PCDH11Y: variants seen among roughly 807,000 people sequenced by gnomAD.
The protein encoded by PCDH11Y is protocadherin 11 Y-linked.
For missense variants in PCDH11Y, 12 were observed against 224.8 expected, an observed-to-expected ratio of 0.05 and a Z score of 6.05; for synonymous variants, 9 against 83.6, an observed-to-expected ratio of 0.11 and a Z score of 4.87.
chrY:5,278,254 G>A (rs2053047118), intron 2 of PCDH11Y, among the ~76,000 whole-genome samples: 5 of 28,837 alleles, frequency 1.7e-4, no homozygotes, highest in African/African-American at 6.9e-4. Flanking sequence ...AGGTTCAAGC[G>A]ATTCTCCTGC....
At chrY:5,557,479 G>C in intron 3 of PCDH11Y, among the ~76,000 whole-genome samples, 1 of 33,076 alleles carries the variant, frequency 3.0e-5, no homozygotes, top group South Asian at 6.5e-4. Flanking sequence ...GTTTTTTTGG[G>C]AAGGAGTGTA....
At chrY:5,004,856 C>G (rs2052537613) in intron 1 of PCDH11Y, among the ~76,000 whole-genome samples, 16 of 33,815 alleles carry the variant, frequency 4.7e-4, no homozygotes, top group Non-Finnish European at 8.1e-4. Context: ...GCATGGGCCT[C>G]TTTGAGCCAT....
chrY:5,310,773 TTATGG>T (rs2053098564), intron 2 of PCDH11Y, among the ~76,000 whole-genome samples: 3 of 32,193 alleles, frequency 9.3e-5, no homozygotes, highest in Admixed American at 2.9e-4. Flanking sequence ...TTCTTGTTTC[TTATGG>T]TATAACTGAT....
intron 2 of PCDH11Y, among the ~76,000 whole-genome samples, chrY:5,297,714 T>C (rs2124662748): frequency 3.0e-5 from 1 of 33,124 alleles, no homozygotes; most frequent in South Asian, 6.8e-4. Flanking sequence ...ATGCACATAT[T>C]CTTTCTCCAT....
At chrY:5,683,999 G>C (rs2124709847) in intron 4 of PCDH11Y, among the ~76,000 whole-genome samples, 6 of 32,948 alleles carry the variant, frequency 1.8e-4, no homozygotes, top group African/African-American at 7.1e-4. Flanking sequence ...GCACAGCAAA[G>C]GATACAATAA....
At chrY:5,253,594 C>A (rs1602894062) in intron 2 of PCDH11Y, among the ~76,000 whole-genome samples, 1 of 31,125 alleles carries the variant, frequency 3.2e-5, no homozygotes, top group East Asian at 8.9e-4. Context: ...CAGAAGGATA[C>A]CATTGAAAAT....
At chrY:5,576,648 T>C in intron 3 of PCDH11Y, among the ~76,000 whole-genome samples, 1 of 33,521 alleles carries the variant, frequency 3.0e-5, no homozygotes, top group Non-Finnish European at 7.5e-5. Flanking sequence ...ATTCTATTTC[T>C]CTTAAGGACT....
chrY:5,589,513 G>A (rs2053458673), intron 4 of PCDH11Y, among the ~76,000 whole-genome samples: 1 of 33,396 alleles, frequency 3.0e-5, no homozygotes, highest in African/African-American at 1.2e-4. Flanking sequence ...TCTTCAGTAT[G>A]TTAATTGCAT....
intron 2 of PCDH11Y, among the ~76,000 whole-genome samples, chrY:5,439,176 T>C: frequency 3.0e-5 from 1 of 33,593 alleles, no homozygotes; most frequent in Non-Finnish European, 7.4e-5. Context: ...CAGTCTGCCA[T>C]TGATAGGCAC....
downstream of PCDH11Y, among the ~76,000 whole-genome samples, chrY:5,108,491 T>G (rs1602868841): frequency 4.2e-4 from 14 of 32,953 alleles, no homozygotes; most frequent in East Asian, 0.011. Flanking sequence ...CTTATGCCTG[T>G]AATCCCAGTA....
intron 4 of PCDH11Y, among the ~76,000 whole-genome samples, chrY:5,667,108 CTA>C (rs58527993): frequency 7.0e-3 from 160 of 22,769 alleles, no homozygotes; most frequent in African/African-American, 0.032. Flanking sequence ...GCCATCATGG[CTA>C]TATATATATA....
At chrY:5,248,147 T>TA (rs2052999423) in intron 2 of PCDH11Y, among the ~76,000 whole-genome samples, 1 of 29,481 alleles carries the variant, frequency 3.4e-5, no homozygotes, top group Non-Finnish European at 8.0e-5. Flanking sequence ...CTACCAGAGT[T>TA]ACAAAGAGGA....
chrY:5,199,381 G>A (rs2052924619), intron 2 of PCDH11Y, among the ~76,000 whole-genome samples: 1 of 30,593 alleles, frequency 3.3e-5, no homozygotes, highest in Non-Finnish European at 7.8e-5. Flanking sequence ...TCCACCTCCC[G>A]GGTTCAATTG....
At chrY:5,040,238 A>G (rs376264730) in intron 3 of PCDH11Y, among the ~76,000 whole-genome samples, 1 of 32,146 alleles carries the variant, frequency 3.1e-5, no homozygotes. Context: ...CATTTCAACT[A>G]TTGTTTAGTA....
chrY:5,469,358 C>CT lies in PCDH11Y; in HGVS notation c.3130-31691dup, dbSNP rs2053311133. 1.5e-4 allele frequency among the ~76,000 whole-genome samples: 5 copies of CT among 32,370 alleles called. No individual in the cohort carries two copies. In the East Asian group the frequency reaches 3.2e-3, roughly 21 times the overall value. The allele number at this position is 32,370 out of a possible 37,273, so 86.8% of individuals were successfully genotyped here. ...ATTATGTATCTTTTCAGTGTTATGT[C>CT]TTTTTTTTATACCTAAGAGAATTGA... On this transcript the variant is annotated intron_variant, in intron 2 of 4. Coordinates refer to the PCDH11Y transcript ENST00000400457.
intron 2 of PCDH11Y, among the ~76,000 whole-genome samples, chrY:5,481,994 T>C: frequency 3.7e-5 from 1 of 27,364 alleles, no homozygotes; most frequent in Non-Finnish European, 9.2e-5. Context: ...ATGTTCTTTT[T>C]TCTTTTTTTT....
At chrY:5,732,951 C>T (rs2053606353) in intron 4 of PCDH11Y, among the ~76,000 whole-genome samples, 1 of 33,642 alleles carries the variant, frequency 3.0e-5, no homozygotes, top group Non-Finnish European at 7.4e-5. Flanking sequence ...ATTGATAAAG[C>T]TTTCAATTGT....
rs2053521629 is a variant in PCDH11Y at position 5,639,763 on chromosome Y, G to T, written c.3352+57965G>T. Among the ~76,000 whole-genome samples, 3 of 21,671 alleles carry T rather than the reference G, an allele frequency of 1.4e-4. No individual in the cohort carries two copies. The East Asian group carries it at 3.7e-3, about 26-fold the overall frequency. The allele number at this position is 21,671 out of a possible 37,273, so 58.1% of individuals were successfully genotyped here. A position where few individuals can be genotyped will look rare whatever the true frequency, so the allele number is the denominator to read the frequency against. On this transcript the variant is annotated intron_variant, in intron 4 of 4. Coordinates refer to the PCDH11Y transcript ENST00000400457. ...ATTCCTGGACTTGAGTAATTCTTCT[G>T]TCTTGGCCTCCCAAAGTGCTGGAAG...
chrY:5,176,670 T>C, intron 2 of PCDH11Y, among the ~76,000 whole-genome samples: 1 of 31,635 alleles, frequency 3.2e-5, no homozygotes. Context: ...TCACAAGTGC[T>C]AATGGTCACC....
Sources: allele counts gnomAD v4.1 joint callset (sites outside exome capture counted in the v4.1 genomes callset), GRCh38; gene constraint gnomAD v4.1.1; transcripts MANE v1.5; gene names NCBI Gene and HGNC (gene_info 2026-07-23, HGNC 2026-07-21).